DOCK3: variants seen among roughly 807,000 people sequenced by gnomAD.
DOCK3 encodes dedicator of cytokinesis 3.
Under a neutral mutation model 265.6 loss-of-function variants are expected in DOCK3, and 60 were observed. That is an observed-to-expected ratio of 0.23 (90% CI 0.18 to 0.28). The LOEUF (loss-of-function observed/expected upper bound fraction) is 0.28, where lower values mean the gene tolerates loss of function less well. Among genes scored for constraint, DOCK3 ranks in the 10% least tolerant of loss-of-function variants. DOCK3 has a pLI of 1.00. For missense variants in DOCK3, 1,981 were observed against 2,594.3 expected (o/e 0.76, Z 5.14); for synonymous variants, 881 against 938.0 (o/e 0.94, Z 1.11).
At chr3:51,312,615 G>T in intron 30 of DOCK3, 39 bp downstream of exon 30, 2 of 1,511,908 alleles carry the variant, frequency 1.3e-6, no homozygotes, top group Non-Finnish European at 1.8e-6. Context: ...TTACCACTTG[G>T]CCAAATAGGG....
intron 1 of DOCK3, among the ~76,000 whole-genome samples, chr3:50,741,226 A>G (rs898009129): frequency 1.3e-5 from 2 of 151,740 alleles, no homozygotes; most frequent in African/African-American, 4.8e-5. Context: ...ACTGTGAATA[A>G]TCTATGAACA....
intron 4 of DOCK3, among the ~76,000 whole-genome samples, chr3:50,927,722 T>TC (rs1339489388): frequency 2.0e-5 from 3 of 152,164 alleles, no homozygotes; most frequent in African/African-American, 7.2e-5. Context: ...GGAGCTTAGG[T>TC]CATAGCCCTG....
chr3:50,810,530 GACACTCCGTC>G (rs1214486133), intron 2 of DOCK3, among the ~76,000 whole-genome samples: 1 of 152,008 alleles, frequency 6.6e-6, no homozygotes, highest in Non-Finnish European at 1.5e-5. Context: ...GCAACAGAGC[GACACTCCGTC>G]TGAAAAAAAT....
In DOCK3 at chr3:50,803,915, C is replaced by T. The variant is rs543234472; in HGVS notation, c.121+25157C>T. On this transcript the variant is annotated intron_variant, in intron 2 of 52. Coordinates refer to ENST00000266037, the MANE Select transcript of DOCK3 (RefSeq NM_004947.5). ...CCCACCTCCTGGAGGGGGCGGCTGC[C>T]GGGTGGAGACGCTCCTCACTTCCCA... 2.8e-4 allele frequency among the ~76,000 whole-genome samples: 43 copies of T among 151,146 alleles called. 2 individuals are homozygous for T. The highest frequency in any genetic ancestry group is 3.2e-4 in the African/African-American group (13 of 41,114).
At chr3:51,057,212 A>G (rs984055236) in intron 5 of DOCK3, among the ~76,000 whole-genome samples, 2 of 152,200 alleles carry the variant, frequency 1.3e-5, no homozygotes, top group Non-Finnish European at 2.9e-5. Context: ...GCAGAGCTCC[A>G]GGGATTGTTT....
At chr3:51,070,770 C>T (rs2081828216) in intron 6 of DOCK3, among the ~76,000 whole-genome samples, 1 of 152,138 alleles carries the variant, frequency 6.6e-6, no homozygotes, top group Admixed American at 6.5e-5. Context: ...AACTGGGCTG[C>T]ACATCAGGAG....
chr3:50,866,378 G>A (rs150741500), intron 3 of DOCK3, among the ~76,000 whole-genome samples: 29 of 152,176 alleles, frequency 1.9e-4, no homozygotes, highest in Middle Eastern at 6.8e-3. Context: ...CCAGCTACTC[G>A]GGAGGCTGAG....
intron 9 of DOCK3, among the ~76,000 whole-genome samples, chr3:51,104,042 TA>T (rs1219006472): frequency 2.6e-5 from 4 of 152,268 alleles, no homozygotes; most frequent in African/African-American, 7.2e-5. Flanking sequence ...GAACATGGGA[TA>T]GGGGAAATTT....
intron 1 of DOCK3, among the ~76,000 whole-genome samples, chr3:50,736,949 C>G (rs538809235): frequency 5.9e-5 from 9 of 152,210 alleles, no homozygotes; most frequent in Admixed American, 5.2e-4. Context: ...GCCTCGGCCT[C>G]CCAAAGTGCT....
chr3:51,148,459 G>A (rs1051645239), intron 10 of DOCK3, among the ~76,000 whole-genome samples: 3 of 152,162 alleles, frequency 2.0e-5, no homozygotes, highest in Non-Finnish European at 1.5e-5. Flanking sequence ...TTTCTTCTAG[G>A]ATTTTTATGG....
At chr3:50,984,207 C>T (rs1003914523) in intron 5 of DOCK3, among the ~76,000 whole-genome samples, 8 of 152,222 alleles carry the variant, frequency 5.3e-5, no homozygotes, top group African/African-American at 1.9e-4. Flanking sequence ...AAGCAAAACT[C>T]GAGCAAAGGT....
chr3:51,134,265 GAAT>G (rs1424333342), intron 9 of DOCK3, among the ~76,000 whole-genome samples: 3 of 152,146 alleles, frequency 2.0e-5, no homozygotes, highest in African/African-American at 7.2e-5. Context: ...CTTTATGGTA[GAAT>G]GATTTATATT....
intron 12 of DOCK3, among the ~76,000 whole-genome samples, chr3:51,185,080 G>A (rs928176113): frequency 1.3e-5 from 2 of 152,120 alleles, no homozygotes; most frequent in Non-Finnish European, 2.9e-5. Context: ...TCACAGTCAA[G>A]AGAAACCTAA....
intron 2 of DOCK3, among the ~76,000 whole-genome samples, chr3:50,810,270 G>A (rs1400621005): frequency 6.6e-6 from 1 of 152,020 alleles, no homozygotes; most frequent in Non-Finnish European, 1.5e-5. Flanking sequence ...TATTTAGCTG[G>A]CGGGGTGCGG....
intron 5 of DOCK3, among the ~76,000 whole-genome samples, chr3:51,053,089 A>ATATATATATATATATG (rs2081059918): frequency 1.4e-5 from 1 of 70,692 alleles, no homozygotes; most frequent in East Asian, 4.5e-4. Flanking sequence ...ATATATATAT[A>ATATATATATATATATG]TATATATATA....
intron 5 of DOCK3, among the ~76,000 whole-genome samples, chr3:50,959,546 GTGTGTGTGTGTGTA>G (rs1418846645): frequency 2.1e-5 from 3 of 142,230 alleles, no homozygotes; most frequent in African/African-American, 5.1e-5. Flanking sequence ...GTGTGTGTGT[GTGTGTGTGTGTGTA>G]TATATATATA....
At chr3:51,055,773 T>C (rs74633589) in intron 5 of DOCK3, among the ~76,000 whole-genome samples, 10,923 of 152,240 alleles carry the variant, frequency 0.072, 989 homozygotes, top group East Asian at 0.33. Context: ...TCTACCTTTC[T>C]ACCTTTGGTG....
intron 27 of DOCK3, among the ~76,000 whole-genome samples, chr3:51,290,644 C>A (rs1459173293): frequency 1.3e-5 from 2 of 152,052 alleles, no homozygotes; most frequent in Non-Finnish European, 2.9e-5. Context: ...TGTAACAAAC[C>A]TGCATGTTGT....
At chr3:51,031,295 C>G (rs1314124766) in intron 5 of DOCK3, among the ~76,000 whole-genome samples, 1 of 152,050 alleles carries the variant, frequency 6.6e-6, no homozygotes, top group African/African-American at 2.4e-5. Context: ...AGTACAAGAT[C>G]ATAAAACCAT....
Sources: gnomAD v4.1 joint callset for allele counts (sites outside exome capture counted in the v4.1 genomes callset) on GRCh38, gnomAD v4.1.1 for gene constraint, MANE v1.5 for transcripts, NCBI Gene and HGNC (gene_info 2026-07-23, HGNC 2026-07-21) for gene names.